Variants in GALNTL6 observed in about 807,000 individuals in gnomAD.
GALNTL6 encodes polypeptide N-acetylgalactosaminyltransferase like 6.
GALNTL6 carries 46 observed loss-of-function variants against 73.7 expected under a neutral mutation model. The ratio of observed to expected loss-of-function variants is 0.62; its 90% confidence interval spans 0.49 to 0.80. GALNTL6 has a LOEUF of 0.80. Among genes scored for constraint, GALNTL6 ranks in the 30% least tolerant of loss-of-function variants. GALNTL6 has a pLI of 0.00. For missense variants in GALNTL6, 604 were observed against 755.0 expected (o/e 0.80, Z 2.34); for synonymous variants, 259 against 263.7 (o/e 0.98, Z 0.17).
chr4:172,797,248 T>C (rs2110947638), intron 5 of GALNTL6, among the ~76,000 whole-genome samples: 1 of 152,236 alleles, frequency 6.6e-6, no homozygotes, highest in East Asian at 1.9e-4. Context: ...TAAGAGTTTT[T>C]GTTTTTCTTT....
At chr4:172,314,705 T>C (rs527329158) in intron 4 of GALNTL6, among the ~76,000 whole-genome samples, 32 of 147,484 alleles carry the variant, frequency 2.2e-4, no homozygotes, top group Non-Finnish European at 3.6e-4. Context: ...CCTCCTGGGT[T>C]CAAGCGATTC....
chr4:172,155,479 C>T (rs1734226558), intron 2 of GALNTL6, among the ~76,000 whole-genome samples: 1 of 152,140 alleles, frequency 6.6e-6, no homozygotes, highest in Non-Finnish European at 1.5e-5. Flanking sequence ...TTGTTGTTTA[C>T]AAGCTACTGA....
intron 3 of GALNTL6, among the ~76,000 whole-genome samples, chr4:172,239,710 ATGTGGGT>A (rs1737356407): frequency 6.6e-6 from 1 of 151,982 alleles, no homozygotes; most frequent in Admixed American, 6.6e-5. Context: ...TAACTTTTTT[ATGTGGGT>A]GTTTAGTGTT....
At chr4:172,415,708 A>G (rs1730806086) in intron 5 of GALNTL6, among the ~76,000 whole-genome samples, 1 of 152,022 alleles carries the variant, frequency 6.6e-6, no homozygotes, top group African/African-American at 2.4e-5. Flanking sequence ...TCCCTGAGTG[A>G]GCAATTCCTG....
At chr4:172,225,201 C>T (rs185672190) in intron 2 of GALNTL6, among the ~76,000 whole-genome samples, 110 of 151,978 alleles carry the variant, frequency 7.2e-4, no homozygotes, top group Middle Eastern at 3.4e-3. Flanking sequence ...TGGGTCTGGG[C>T]GCTGGAGATT....
At chr4:172,928,954 CTTT>C (rs1370452744) in intron 8 of GALNTL6, among the ~76,000 whole-genome samples, 2 of 152,184 alleles carry the variant, frequency 1.3e-5, no homozygotes, top group Non-Finnish European at 2.9e-5. Flanking sequence ...GCTACTCAGT[CTTT>C]TTCCACACTT....
At chr4:173,009,438 T>C (rs1752446810) in intron 11 of GALNTL6, 144 bp downstream of exon 11, 1 of 616,788 alleles carries the variant, frequency 1.6e-6, no homozygotes, top group Non-Finnish European at 2.9e-6. Flanking sequence ...ACCAACCAGC[T>C]CTGCAGTTCA....
At chr4:172,405,159 T>C (rs1744163831) in intron 5 of GALNTL6, among the ~76,000 whole-genome samples, 1 of 151,862 alleles carries the variant, frequency 6.6e-6, no homozygotes, top group South Asian at 2.1e-4. Context: ...TGGTGCTTCA[T>C]TTCACCAGGT....
At chr4:172,413,529 G>A (rs1408232300) in intron 5 of GALNTL6, among the ~76,000 whole-genome samples, 1 of 152,156 alleles carries the variant, frequency 6.6e-6, no homozygotes, top group African/African-American at 2.4e-5. Flanking sequence ...TTACAGCCAA[G>A]TATATTTCCA....
chr4:171,919,306 G>T (rs1737714821), intron 2 of GALNTL6, among the ~76,000 whole-genome samples: 2 of 151,246 alleles, frequency 1.3e-5, no homozygotes, highest in South Asian at 4.1e-4. Context: ...ATCCACACAA[G>T]CAGAAAAAAA....
rs960633904 is a variant in GALNTL6 at position 172,501,997 on chromosome 4, G to T, written c.553+153308G>T. ...GCAAGCATACATTTCCTACTGCAAA[G>T]AATTTTACTCATTAAAATACACTTT... On this transcript the variant is annotated intron_variant, in intron 5 of 12. Coordinates refer to ENST00000506823, the MANE Select transcript of GALNTL6 (RefSeq NM_001034845.3). 2.0e-5 allele frequency among the ~76,000 whole-genome samples: 3 copies of T among 152,228 alleles called. No individual in the cohort carries two copies. The South Asian group carries it at 6.2e-4, about 32-fold the overall frequency.
chr4:172,106,318 A>G (rs1263030600), intron 2 of GALNTL6, among the ~76,000 whole-genome samples: 2 of 152,182 alleles, frequency 1.3e-5, no homozygotes, highest in Non-Finnish European at 1.5e-5. Context: ...GCTCTAGAAT[A>G]GAGGGTTTAG....
chr4:171,982,008 G>T (rs34305682), intron 2 of GALNTL6, among the ~76,000 whole-genome samples: 71,818 of 151,710 alleles, frequency 0.47, 18,115 homozygotes, highest in Admixed American at 0.59. Context: ...ATGATAATTT[G>T]GGGTAATCTT....
At chr4:172,225,196 CT>C (rs1736812333) in intron 2 of GALNTL6, among the ~76,000 whole-genome samples, 1 of 151,862 alleles carries the variant, frequency 6.6e-6, no homozygotes, top group Non-Finnish European at 1.5e-5. Context: ...GCAAATGGGT[CT>C]GGGCGCTGGA....
chr4:172,324,772 ATATACT>A (rs1432344159), intron 4 of GALNTL6, among the ~76,000 whole-genome samples: 5 of 151,134 alleles, frequency 3.3e-5, no homozygotes, highest in South Asian at 2.1e-4. Flanking sequence ...ATCAAAAATA[ATATACT>A]TATAAATATG....
chr4:172,544,587 G>A (rs573136739), intron 5 of GALNTL6, among the ~76,000 whole-genome samples: 1 of 152,028 alleles, frequency 6.6e-6, no homozygotes, highest in Non-Finnish European at 1.5e-5. Flanking sequence ...TATATTATTT[G>A]TCTTCCTCTT....
At chr4:172,749,226 TGA>T (rs1425234404) in intron 5 of GALNTL6, among the ~76,000 whole-genome samples, 1 of 152,200 alleles carries the variant, frequency 6.6e-6, no homozygotes, top group South Asian at 2.1e-4. Context: ...TGTTTTTCTT[TGA>T]GACCTTCTAT....
At chr4:172,089,708 A>T (rs1732145425) in intron 2 of GALNTL6, among the ~76,000 whole-genome samples, 1 of 152,092 alleles carries the variant, frequency 6.6e-6, no homozygotes, top group South Asian at 2.1e-4. Context: ...TTCTTTATTT[A>T]TTTGTAATTA....
At position 172,333,424 on chromosome 4, in the gene GALNTL6, C is replaced by A. The variant is rs567640723; in HGVS notation, c.387-15099C>A. Among the ~76,000 whole-genome samples the A allele has an allele frequency of 5.2e-4, 79 of 152,024 alleles. 2 individuals are homozygous for A. The South Asian group carries it at 9.0e-3, about 17-fold the overall frequency. ...CCATCTCAAAAGAAAAAAATAAAAACAAAACAAAACAAAAAACGAAATGTA... is the reference window on the plus strand; with the variant it reads ...CCATCTCAAAAGAAAAAAATAAAAAAAAAACAAAACAAAAAACGAAATGTA... On this transcript the variant is annotated intron_variant, in intron 4 of 12. Transcript: ENST00000506823.
Sources: allele counts gnomAD v4.1 joint callset (sites outside exome capture counted in the v4.1 genomes callset), GRCh38; gene constraint gnomAD v4.1.1; transcripts MANE v1.5; gene names NCBI Gene and HGNC (gene_info 2026-07-23, HGNC 2026-07-21).